The following SEMA5A variants were observed in gnomAD, a reference collection of about 807,000 sequenced individuals.
SEMA5A encodes semaphorin 5A, also known as semaphorin-5A.
Under a neutral mutation model 135.5 loss-of-function variants are expected in SEMA5A, and 55 were observed. The ratio of observed to expected loss-of-function variants is 0.41; its 90% CI spans 0.33 to 0.51. The LOEUF (loss-of-function observed/expected upper bound fraction) is 0.51, where lower values mean the gene tolerates loss of function less well. Ranked by LOEUF, SEMA5A falls within the 20% of genes least tolerant of loss-of-function variation. The pLI is 0.37. For missense variants in SEMA5A, 1,290 were observed against 1,419.9 expected (o/e 0.91, Z 1.47); for synonymous variants, 580 against 546.5 (o/e 1.06, Z -0.85).
Position 9,396,373 on chromosome 5 carries a change from C to T in SEMA5A, c.-77-16350G>A, listed in dbSNP as rs79896969. 6.7e-3 allele frequency among the ~76,000 whole-genome samples: 1,020 copies of T among 152,174 alleles called. 16 individuals are homozygous for T. Among genetic ancestry groups the T allele is most frequent in the African/African-American group, 0.023 (975 of 41,518 alleles). The stretch of plus-strand genomic sequence containing the variant: ...AAAGGAATTCATCAGATATTTTGTG[C>T]TGGGTATATTTTCTTGATTTCTGTA... On this transcript the variant is annotated intron_variant, in intron 2 of 22. Transcript: ENST00000382496.
chr5:9,431,384 A>C (rs1757850955), intron 2 of SEMA5A, among the ~76,000 whole-genome samples: 1 of 152,214 alleles, frequency 6.6e-6, no homozygotes, highest in South Asian at 2.1e-4. Context: ...ACTTCCCAGA[A>C]TCTCCCAACC....
At chr5:9,167,217 A>G (rs1743658942) in intron 11 of SEMA5A, among the ~76,000 whole-genome samples, 1 of 152,196 alleles carries the variant, frequency 6.6e-6, no homozygotes, top group African/African-American at 2.4e-5. Context: ...TTAGCTCGTT[A>G]TGAGCTTTCT....
chr5:9,322,744 G>A (rs747263464), intron 4 of SEMA5A, among the ~76,000 whole-genome samples: 5 of 152,048 alleles, frequency 3.3e-5, no homozygotes, highest in African/African-American at 4.8e-5. Context: ...CAAGCCCCCC[G>A]TGTCTTGGTG....
chr5:9,534,860 A>G (rs1169122018), intron 1 of SEMA5A, among the ~76,000 whole-genome samples: 1 of 152,160 alleles, frequency 6.6e-6, no homozygotes, highest in Admixed American at 6.5e-5. Flanking sequence ...TCAATAGACA[A>G]TTCCTCAATA....
intron 6 of SEMA5A, among the ~76,000 whole-genome samples, chr5:9,231,426 C>G (rs1384073681): frequency 2.2e-5 from 3 of 136,838 alleles, no homozygotes; most frequent in Non-Finnish European, 1.5e-5. Flanking sequence ...AAGATGGCGC[C>G]ACTGCACTCC....
At chr5:9,457,310 AC>A (rs1758876371) in intron 1 of SEMA5A, among the ~76,000 whole-genome samples, 1 of 152,214 alleles carries the variant, frequency 6.6e-6, no homozygotes, top group Non-Finnish European at 1.5e-5. Flanking sequence ...AAACCCTGTC[AC>A]CAATTTCTAC....
At chr5:9,540,386 G>A (rs13179291) in intron 1 of SEMA5A, among the ~76,000 whole-genome samples, 21,457 of 149,668 alleles carry the variant, frequency 0.14, 1,601 homozygotes, top group Middle Eastern at 0.22. Context: ...TCAGGAGATC[G>A]AGACCATCCA....
Position 9,227,913 on chromosome 5 carries a change from C to T in SEMA5A, c.334-946G>A, listed in dbSNP as rs148484089. 1.1e-4 allele frequency among the ~76,000 whole-genome samples: 16 copies of T among 152,232 alleles called. No individual in the cohort carries two copies. In the South Asian group the frequency reaches 1.4e-3, roughly 14 times the overall value. On this transcript the variant is annotated intron_variant, in intron 6 of 22. Coordinates refer to ENST00000382496, the MANE Select transcript of SEMA5A (RefSeq NM_003966.3). The stretch of plus-strand genomic sequence containing the variant: ...ATATGCTTAATGAGGACAAGATGTT[C>T]GAAACATTTGGGACAAAACCCTAGG...
intron 6 of SEMA5A, among the ~76,000 whole-genome samples, chr5:9,228,483 G>A (rs981134105): frequency 1.3e-5 from 2 of 152,200 alleles, no homozygotes; most frequent in East Asian, 3.9e-4. Context: ...AGTGTGCCCA[G>A]GTAGTGAGTT....
intron 5 of SEMA5A, among the ~76,000 whole-genome samples, chr5:9,313,512 G>A (rs1199413588): frequency 1.3e-5 from 2 of 152,178 alleles, no homozygotes; most frequent in East Asian, 1.9e-4. Flanking sequence ...CTAAGGGACA[G>A]AAACTTGTAA....
intron 4 of SEMA5A, among the ~76,000 whole-genome samples, chr5:9,335,133 C>CT (rs1184890662): frequency 6.6e-6 from 1 of 152,054 alleles, no homozygotes; most frequent in Non-Finnish European, 1.5e-5. Flanking sequence ...GACAGGGATG[C>CT]TGGGGTGGAA....
At chr5:9,399,308 G>T (rs563569646) in intron 2 of SEMA5A, among the ~76,000 whole-genome samples, 3 of 152,314 alleles carry the variant, frequency 2.0e-5, no homozygotes, top group Non-Finnish European at 4.4e-5. Context: ...CTATAATGTG[G>T]ATGCTATAAC....
chr5:9,326,879 A>C (rs1215365341), intron 4 of SEMA5A, among the ~76,000 whole-genome samples: 1 of 152,238 alleles, frequency 6.6e-6, no homozygotes, highest in Non-Finnish European at 1.5e-5. Flanking sequence ...TATCGTGATC[A>C]TATCAGTAAA....
intron 11 of SEMA5A, among the ~76,000 whole-genome samples, chr5:9,164,660 T>C (rs1326657589): frequency 6.6e-6 from 1 of 152,190 alleles, no homozygotes; most frequent in Non-Finnish European, 1.5e-5. Context: ...TATGTAATAA[T>C]TCATATGGTT....
chr5:9,441,128 C>A (rs1465707121), intron 1 of SEMA5A, among the ~76,000 whole-genome samples: 2 of 152,202 alleles, frequency 1.3e-5, no homozygotes, highest in African/African-American at 2.4e-5. Context: ...CATGGCCACA[C>A]ATGGTGGATG....
chr5:9,536,114 T>C (rs181193125), intron 1 of SEMA5A, among the ~76,000 whole-genome samples: 6 of 152,172 alleles, frequency 3.9e-5, no homozygotes, highest in Non-Finnish European at 7.4e-5. Context: ...AGCACAAAAC[T>C]TGGTGCACCC....
chr5:9,080,469 C>T (rs538057437), intron 16 of SEMA5A, among the ~76,000 whole-genome samples: 10 of 151,552 alleles, frequency 6.6e-5, no homozygotes, highest in African/African-American at 2.4e-4. Context: ...GTGCAGCAAA[C>T]CATCATGGCA....
At position 9,150,891 on chromosome 5, in the gene SEMA5A, G is replaced by C. The variant is rs1742598882; in HGVS notation, c.1481+3597C>G. The stretch of plus-strand genomic sequence containing the variant: ...TCTGCCTCTCAGTTTCACACATGAA[G>C]AGTGCAATCCAGCAGCTCCTTCAGC... On this transcript the variant is annotated intron_variant, in intron 12 of 22. Coordinates refer to ENST00000382496, the MANE Select transcript of SEMA5A (RefSeq NM_003966.3). 5.9e-5 allele frequency among the ~76,000 whole-genome samples: 9 copies of C among 152,328 alleles called. No individual in the cohort carries two copies. The South Asian group carries it at 1.9e-3, about 32-fold the overall frequency.
At chr5:9,089,679 C>G (rs1738926361) in intron 16 of SEMA5A, among the ~76,000 whole-genome samples, 1 of 152,158 alleles carries the variant, frequency 6.6e-6, no homozygotes, top group Admixed American at 6.5e-5. Flanking sequence ...GTATTGAACG[C>G]TAGCAGCCCT....
Sources: allele counts gnomAD v4.1 joint callset (sites outside exome capture counted in the v4.1 genomes callset), GRCh38; gene constraint gnomAD v4.1.1; transcripts MANE v1.5; gene names NCBI Gene and HGNC (gene_info 2026-07-23, HGNC 2026-07-21).